COMMD10: variants seen among roughly 807,000 people sequenced by gnomAD.
The protein encoded by COMMD10 is COMM domain containing 10, also known as COMM domain-containing protein 10.
A neutral mutation model predicts 28.9 loss-of-function variants in COMMD10; 33 were observed. The ratio of observed to expected loss-of-function variants is 1.14; its 90% CI spans 0.87 to 1.53. COMMD10 has a LOEUF of 1.53. COMMD10 is among the 40% of genes most tolerant of loss of function. COMMD10 has a pLI of 0.00. For synonymous variants in COMMD10, 110 were observed against 81.7 expected (o/e 1.35, Z -1.87); for missense variants, 310 against 233.4 (o/e 1.33, Z -2.14).
At chr5:116,102,259 C>T (rs1750691326) in intron 4 of COMMD10, among the ~76,000 whole-genome samples, 1 of 152,146 alleles carries the variant, frequency 6.6e-6, no homozygotes, top group Non-Finnish European at 1.5e-5. Context: ...GGTCTAGTCT[C>T]ATTCTTCTGC....
chr5:116,139,580 C>G (rs761966084), intron 5 of COMMD10, among the ~76,000 whole-genome samples: 1 of 139,266 alleles, frequency 7.2e-6, no homozygotes, highest in Admixed American at 7.0e-5. Context: ...TATGTGAGTT[C>G]GTCTGCATTT....
intron 5 of COMMD10, among the ~76,000 whole-genome samples, chr5:116,286,466 A>T (rs1217634216): frequency 1.3e-5 from 2 of 148,242 alleles, no homozygotes; most frequent in East Asian, 4.0e-4. Flanking sequence ...TTAAGTTGAG[A>T]TATATATGTA....
intron 4 of COMMD10, among the ~76,000 whole-genome samples, chr5:116,095,811 G>A (rs1750450320): frequency 6.6e-6 from 1 of 151,912 alleles, no homozygotes; most frequent in African/African-American, 2.4e-5. Flanking sequence ...ATAAAGTGCA[G>A]GTCAAAGTTC....
chr5:116,255,427 C>T (rs1007369468), intron 5 of COMMD10, among the ~76,000 whole-genome samples: 6 of 151,586 alleles, frequency 4.0e-5, no homozygotes, highest in Admixed American at 6.6e-5. Flanking sequence ...GATTTTGCAG[C>T]GGCTGGTACT....
At chr5:116,181,250 T>C (rs13355165) in intron 5 of COMMD10, among the ~76,000 whole-genome samples, 1,546 of 152,122 alleles carry the variant, frequency 0.01, 33 homozygotes, top group African/African-American at 0.035. Context: ...TTGAGATCTC[T>C]GGAAGTAGTA....
intron 5 of COMMD10, among the ~76,000 whole-genome samples, chr5:116,274,036 A>T (rs998931969): frequency 6.6e-6 from 1 of 151,732 alleles, no homozygotes; most frequent in South Asian, 2.1e-4. Context: ...TTACCCAAAG[A>T]TATGATCTAA....
At chr5:116,202,438 C>T (rs1748694681) in intron 5 of COMMD10, among the ~76,000 whole-genome samples, 1 of 151,976 alleles carries the variant, frequency 6.6e-6, no homozygotes, top group Non-Finnish European at 1.5e-5. Context: ...ATTTCTAGTT[C>T]TAGATCCCTG....
At chr5:116,202,599 C>T (rs368047336) in intron 5 of COMMD10, among the ~76,000 whole-genome samples, 1 of 151,920 alleles carries the variant, frequency 6.6e-6, no homozygotes, top group Admixed American at 6.5e-5. Context: ...GAGATGGTAT[C>T]TCATTGTGGT....
chr5:116,289,302 C>T (rs1031677157), intron 5 of COMMD10, among the ~76,000 whole-genome samples: 1 of 151,782 alleles, frequency 6.6e-6, no homozygotes, highest in African/African-American at 2.4e-5. Flanking sequence ...TTGATTAGGC[C>T]ATATTTCCCT....
intron 1 of COMMD10, among the ~76,000 whole-genome samples, chr5:116,085,786 G>A (rs866627403): frequency 3.3e-4 from 51 of 152,296 alleles, no homozygotes; most frequent in Middle Eastern, 6.8e-3. Context: ...TACAGAAAAA[G>A]TACTGAAGTA....
At chr5:116,146,597 A>G (rs1752358004) in intron 5 of COMMD10, among the ~76,000 whole-genome samples, 1 of 151,924 alleles carries the variant, frequency 6.6e-6, no homozygotes, top group Admixed American at 6.6e-5. Context: ...AGGAGTTGAC[A>G]AACACTTCTT....
At chr5:116,225,066 A>G (rs943052003) in intron 5 of COMMD10, among the ~76,000 whole-genome samples, 4 of 152,076 alleles carry the variant, frequency 2.6e-5, no homozygotes, top group Admixed American at 2.0e-4. Flanking sequence ...TTCTTTTGCC[A>G]TTTCCAATTT....
chr5:116,153,663 A>C (rs890973262), intron 5 of COMMD10, among the ~76,000 whole-genome samples: 39 of 152,184 alleles, frequency 2.6e-4, no homozygotes, highest in African/African-American at 7.9e-4. Flanking sequence ...AGAGGGCTGA[A>C]AATAATTTGC....
chr5:116,133,872 C>A (rs918316569), intron 4 of COMMD10, among the ~76,000 whole-genome samples, 196 bp from the exon 5 acceptor site: 16 of 152,102 alleles, frequency 1.1e-4, no homozygotes, highest in African/African-American at 3.9e-4. Flanking sequence ...TTAAATTTGA[C>A]AGGCGTGGCA....
At chr5:116,243,469 A>C (rs2112665390) in intron 5 of COMMD10, among the ~76,000 whole-genome samples, 1 of 152,276 alleles carries the variant, frequency 6.6e-6, no homozygotes, top group East Asian at 1.9e-4. Context: ...GAAATTATAA[A>C]ACATACAAAT....
intron 6 of COMMD10, among the ~76,000 whole-genome samples, 172 bp downstream of exon 6, chr5:116,291,748 T>A (rs112100447): frequency 0.03 from 4,518 of 152,118 alleles, 239 homozygotes; most frequent in African/African-American, 0.1. Context: ...TGAAGAGAAT[T>A]TGAAAAACTA....
chr5:116,085,533 T>C (rs1194580962), intron 1 of COMMD10: 2 of 169,562 alleles, frequency 1.2e-5, no homozygotes, highest in African/African-American at 4.7e-5. Flanking sequence ...CCAACATGTG[T>C]TAATACCCCT....
intron 4 of COMMD10, among the ~76,000 whole-genome samples, chr5:116,128,991 C>G (rs1338144763): frequency 6.6e-6 from 1 of 151,840 alleles, no homozygotes; most frequent in African/African-American, 2.4e-5. Context: ...GTGAGGTTCT[C>G]CACTGTATCA....
intron 5 of COMMD10, among the ~76,000 whole-genome samples, chr5:116,279,239 G>A (rs569303512): frequency 6.6e-6 from 1 of 151,890 alleles, no homozygotes; most frequent in Middle Eastern, 3.4e-3. Context: ...AGGAATCATG[G>A]GCCAGAGTTT....
Sources: allele counts gnomAD v4.1 joint callset (sites outside exome capture counted in the v4.1 genomes callset), GRCh38; gene constraint gnomAD v4.1.1; transcripts MANE v1.5; gene names NCBI Gene and HGNC (gene_info 2026-07-23, HGNC 2026-07-21).